The following TRABD2B variants were observed in gnomAD, a reference collection of about 807,000 sequenced individuals.
TRABD2B encodes TraB domain containing 2B.
A neutral mutation model predicts 40.1 loss-of-function variants in TRABD2B; 14 were observed. That is an observed-to-expected ratio of 0.35 (90% CI 0.23 to 0.55). The LOEUF (loss-of-function observed/expected upper bound fraction) is 0.55, where lower values mean the gene tolerates loss of function less well. Among genes scored for constraint, TRABD2B ranks in the 20% least tolerant of loss-of-function variants. The pLI is 0.90. For missense variants in TRABD2B, 541 were observed against 648.6 expected (o/e 0.83, Z 1.80); for synonymous variants, 263 against 277.0 (o/e 0.95, Z 0.50).
chr1:47,951,155 G>A (rs903767926), intron 2 of TRABD2B, among the ~76,000 whole-genome samples: 6 of 152,188 alleles, frequency 3.9e-5, no homozygotes, highest in Non-Finnish European at 7.3e-5. Flanking sequence ...CCAGCGCCAA[G>A]CCAAGCGGGC....
intron 2 of TRABD2B, among the ~76,000 whole-genome samples, chr1:47,858,545 C>T (rs1643922612): frequency 6.6e-6 from 1 of 152,216 alleles, no homozygotes; most frequent in Admixed American, 6.5e-5. Flanking sequence ...AGGGGTAAAC[C>T]ACCACACCTA....
intron 2 of TRABD2B, among the ~76,000 whole-genome samples, chr1:47,933,435 A>G (rs559445887): frequency 2.8e-4 from 42 of 152,160 alleles, no homozygotes; most frequent in African/African-American, 9.9e-4. Flanking sequence ...TTTACCTTGC[A>G]CTTTGTGCTT....
At chr1:47,781,860 A>G (rs1347229332) in intron 4 of TRABD2B, among the ~76,000 whole-genome samples, 1 of 152,172 alleles carries the variant, frequency 6.6e-6, no homozygotes, top group East Asian at 1.9e-4. Flanking sequence ...AGCACCCCAC[A>G]GCTGGGTTGG....
chr1:47,787,975 G>A (rs1034484100), intron 4 of TRABD2B, among the ~76,000 whole-genome samples: 13 of 152,244 alleles, frequency 8.5e-5, no homozygotes, highest in Admixed American at 2.0e-4. Context: ...GTGACAGCTG[G>A]ATGGATTTTT....
intron 2 of TRABD2B, among the ~76,000 whole-genome samples, chr1:47,974,892 C>T (rs900161038): frequency 6.6e-6 from 1 of 152,154 alleles, no homozygotes; most frequent in Non-Finnish European, 1.5e-5. Context: ...GAGAATAGCA[C>T]TTTGCCTCTG....
In TRABD2B at chr1:47,760,661, G is replaced by A. The variant is rs1053143044; in HGVS notation, c.*5241C>T. The A allele has an allele frequency of 7.9e-5, 12 of 152,134 alleles. No individual in the cohort carries two copies. Among genetic ancestry groups the A allele is most frequent in the African/African-American group, 2.9e-4 (12 of 41,412 alleles). The allele number at this position is 152,134 out of a possible 1,614,324, so 9.4% of individuals were successfully genotyped here. ...TTCATGATAATTCACAGAGGTGAGG[G>A]GCAGAGGTGATAAGAGAACAACATC... On this transcript the variant is annotated 3_prime_UTR_variant, in exon 7 of 7. Transcript: ENST00000606738.
chr1:47,920,129 A>G (rs968722926), intron 2 of TRABD2B, among the ~76,000 whole-genome samples: 4 of 152,228 alleles, frequency 2.6e-5, no homozygotes, highest in Non-Finnish European at 2.9e-5. Context: ...CCTGTATCAT[A>G]GGGTTTTCCT....
rs185067775 is a variant in TRABD2B, at chr1:47,990,959, G to A, written c.666+3075C>T. Among the ~76,000 whole-genome samples, 28 of 150,832 alleles carry A rather than the reference G, an allele frequency of 1.9e-4. No homozygotes were observed. The East Asian group carries it at 4.9e-3, about 26-fold the overall frequency. ...CCTTCAGAGACCTGCCTCACCACCA[G>A]CCTCATAGCCGAAGGAAATATCTCT... On this transcript the variant is annotated intron_variant, in intron 2 of 6. Coordinates refer to ENST00000606738, the MANE Select transcript of TRABD2B (RefSeq NM_001194986.2).
intron 4 of TRABD2B, among the ~76,000 whole-genome samples, chr1:47,784,219 C>T (rs1644564387): frequency 6.6e-6 from 1 of 152,212 alleles, no homozygotes; most frequent in Non-Finnish European, 1.5e-5. Context: ...CCAGAGATGT[C>T]CCAGTTTACT....
intron 2 of TRABD2B, among the ~76,000 whole-genome samples, chr1:47,894,093 G>A (rs1177180924): frequency 1.3e-5 from 2 of 151,994 alleles, no homozygotes; most frequent in Non-Finnish European, 2.9e-5. Flanking sequence ...TTGAGGGCTC[G>A]GCGCATGGGG....
At chr1:47,975,490 G>C (rs969228154) in intron 2 of TRABD2B, among the ~76,000 whole-genome samples, 1 of 152,182 alleles carries the variant, frequency 6.6e-6, no homozygotes, top group African/African-American at 2.4e-5. Flanking sequence ...TTGTGCACCT[G>C]AAACATTGTA....
At chr1:47,970,296 T>G (rs976488104) in intron 2 of TRABD2B, among the ~76,000 whole-genome samples, 3 of 152,050 alleles carry the variant, frequency 2.0e-5, no homozygotes, top group Non-Finnish European at 4.4e-5. Flanking sequence ...GTCTTTTGAC[T>G]TTTAGTTCCC....
intron 2 of TRABD2B, among the ~76,000 whole-genome samples, chr1:47,931,362 C>A (rs1645037806): frequency 6.6e-6 from 1 of 152,152 alleles, no homozygotes; most frequent in African/African-American, 2.4e-5. Flanking sequence ...AGCAGCCATA[C>A]CCCACCTTAT....
At chr1:47,983,746 G>C (rs1177636243) in intron 2 of TRABD2B, among the ~76,000 whole-genome samples, 1 of 82,648 alleles carries the variant, frequency 1.2e-5, no homozygotes, top group Non-Finnish European at 2.3e-5. Context: ...TAACCACACT[G>C]GCAAAAAAAG....
At chr1:47,808,390 G>A (rs1176371732) in intron 2 of TRABD2B, among the ~76,000 whole-genome samples, 1 of 152,076 alleles carries the variant, frequency 6.6e-6, no homozygotes, top group Non-Finnish European at 1.5e-5. Flanking sequence ...TGTTTTTCTG[G>A]AGAACTAATA....
rs1386110719 is a variant in TRABD2B, at chr1:47,761,281, C to T, written c.*4621G>A. ...AAAGGGTGAGGATAGCCGATGCTCC[C>T]TGGAAAGAGCCAAGTAGGGGGTCAA... On this transcript the variant is annotated 3_prime_UTR_variant, in exon 7 of 7. Coordinates refer to ENST00000606738, the MANE Select transcript of TRABD2B (RefSeq NM_001194986.2). 1 of 152,304 alleles carries T rather than the reference C, an allele frequency of 6.6e-6. No homozygotes were observed. Among genetic ancestry groups the T allele is most frequent in the African/African-American group, 2.4e-5 (1 of 41,464 alleles). The allele number at this position is 152,304 out of a possible 1,614,324, so 9.4% of individuals were successfully genotyped here.
chr1:47,970,059 A>G (rs756529003), intron 2 of TRABD2B, among the ~76,000 whole-genome samples: 4 of 152,032 alleles, frequency 2.6e-5, no homozygotes, highest in Admixed American at 6.5e-5. Context: ...TCAAGCACTT[A>G]CTCATTTTAA....
chr1:47,907,623 G>A (rs1373210922), intron 2 of TRABD2B, among the ~76,000 whole-genome samples: 1 of 152,150 alleles, frequency 6.6e-6, no homozygotes, highest in African/African-American at 2.4e-5. Context: ...ATGTCAGGAG[G>A]GAGAAGCCAG....
intron 2 of TRABD2B, among the ~76,000 whole-genome samples, chr1:47,846,857 T>TACACGCACACACAC (rs1645477419): frequency 9.4e-6 from 1 of 106,396 alleles, no homozygotes; most frequent in Non-Finnish European, 2.2e-5. Flanking sequence ...AAAACATGCA[T>TACACGCACACACAC]ACACACACAC....
Sources: allele counts gnomAD v4.1 joint callset (sites outside exome capture counted in the v4.1 genomes callset), GRCh38; gene constraint gnomAD v4.1.1; transcripts MANE v1.5; gene names NCBI Gene and HGNC (gene_info 2026-07-23, HGNC 2026-07-21).